Variants in FRMD5 observed in about 807,000 individuals in gnomAD.
FRMD5 encodes FERM domain-containing protein 5.
In FRMD5, 20 loss-of-function variants were observed where a neutral mutation model predicts 69.0. That is an observed-to-expected ratio of 0.29 (90% CI 0.20 to 0.42). The LOEUF (loss-of-function observed/expected upper bound fraction) is 0.42, where lower values mean the gene tolerates loss of function less well. FRMD5 is among the 10% of genes least tolerant of loss of function. FRMD5 has a pLI of 1.00. For missense variants in FRMD5, 595 were observed against 708.6 expected, an observed-to-expected ratio of 0.84 and a Z score of 1.82; for synonymous variants, 271 against 260.1, an observed-to-expected ratio of 1.04 and a Z score of -0.40.
At chr15:43,876,332 A>G (rs2088356065) in intron 13 of FRMD5, 2 of 944,358 alleles carry the variant, frequency 2.1e-6, no homozygotes, top group Non-Finnish European at 3.4e-6. Context: ...CCCCTGATGC[A>G]GAGCTGGGAC....
At chr15:44,073,786 T>C (rs1893640531) in intron 1 of FRMD5, among the ~76,000 whole-genome samples, 1 of 152,216 alleles carries the variant, frequency 6.6e-6, no homozygotes, top group Non-Finnish European at 1.5e-5. Flanking sequence ...AAGTCCTCTA[T>C]GACACCTATT....
chr15:43,958,052 T>C (rs2090141835), intron 1 of FRMD5, among the ~76,000 whole-genome samples: 1 of 152,234 alleles, frequency 6.6e-6, no homozygotes, highest in South Asian at 2.1e-4. Flanking sequence ...TTTGAATATA[T>C]CTAAGAGAAT....
chr15:44,127,378 C>G (rs564893716), intron 1 of FRMD5, among the ~76,000 whole-genome samples: 2 of 152,202 alleles, frequency 1.3e-5, no homozygotes, highest in African/African-American at 4.8e-5. Flanking sequence ...AGGCGTAAGC[C>G]ACCACACCCA....
At chr15:44,085,756 A>G (rs1158073327) in intron 1 of FRMD5, among the ~76,000 whole-genome samples, 2 of 152,206 alleles carry the variant, frequency 1.3e-5, no homozygotes, top group African/African-American at 4.8e-5. Context: ...AGGAAGAGAG[A>G]CAAGTTAAAA....
intron 1 of FRMD5, among the ~76,000 whole-genome samples, chr15:44,002,533 T>C (rs1197530111): frequency 6.6e-6 from 1 of 152,048 alleles, no homozygotes; most frequent in Non-Finnish European, 1.5e-5. Flanking sequence ...GAGTGAGTAA[T>C]TCTTGTCCCT....
intron 1 of FRMD5, among the ~76,000 whole-genome samples, chr15:43,937,626 CAG>C (rs2089783491): frequency 7.3e-6 from 1 of 136,962 alleles, no homozygotes; most frequent in South Asian, 2.3e-4. Context: ...GCCTGGGTGA[CAG>C]AGTGAGACAC....
intron 1 of FRMD5, among the ~76,000 whole-genome samples, chr15:44,072,596 A>G (rs984785912): frequency 1.3e-5 from 2 of 152,218 alleles, no homozygotes; most frequent in African/African-American, 4.8e-5. Context: ...TCCAGTGGAA[A>G]GTTCTGGATG....
chr15:44,096,403 C>G, intron 1 of FRMD5, among the ~76,000 whole-genome samples: 1 of 130,782 alleles, frequency 7.6e-6, no homozygotes, highest in South Asian at 2.6e-4. Context: ...TACGGTGTAT[C>G]TTTTTTTTTT....
At chr15:44,048,523 T>C (rs1485491005) in intron 1 of FRMD5, among the ~76,000 whole-genome samples, 3 of 152,210 alleles carry the variant, frequency 2.0e-5, no homozygotes, top group African/African-American at 7.2e-5. Context: ...TTTTACTTTC[T>C]TGGTGACATT....
In FRMD5 at chr15:43,873,414, G is replaced by A. The variant is rs190508215; in HGVS notation, c.*471C>T. The stretch of plus-strand genomic sequence containing the variant: ...CCTGCCCTGCTGAGGCTGCAGTGAT[G>A]AGTCTACTGGAACCCAGTGGCACCA... On this transcript the variant is annotated 3_prime_UTR_variant, in exon 14 of 14. Coordinates refer to ENST00000417257, the MANE Select transcript of FRMD5 (RefSeq NM_032892.5). 7.0e-7 allele frequency: 1 copy of A among 1,436,066 alleles called. No homozygotes were observed. Among genetic ancestry groups the A allele is most frequent in the East Asian group, 2.5e-5 (1 of 39,698 alleles). 89.0% of individuals were successfully genotyped at this position (1,436,066 alleles called of 1,614,324 possible). A position where few individuals can be genotyped will look rare whatever the true frequency, so the allele number is the denominator to read the frequency against.
At chr15:44,150,195 TATC>T (rs141045207) in intron 1 of FRMD5, among the ~76,000 whole-genome samples, 1 of 152,068 alleles carries the variant, frequency 6.6e-6, no homozygotes, top group African/African-American at 2.4e-5. Context: ...CCACAGCAAA[TATC>T]ATACTCAATA....
chr15:43,885,508 T>G (rs976001087), intron 11 of FRMD5, among the ~76,000 whole-genome samples, 173 bp downstream of exon 11: 9 of 152,114 alleles, frequency 5.9e-5, no homozygotes, highest in Non-Finnish European at 1.0e-4. Context: ...GACAAATTGC[T>G]GTAGGGAAGG....
chr15:44,004,228 A>T (rs1013222507), intron 1 of FRMD5, among the ~76,000 whole-genome samples: 18 of 152,240 alleles, frequency 1.2e-4, no homozygotes, highest in Non-Finnish European at 1.9e-4. Flanking sequence ...ATGAATGTTA[A>T]ATCAAACTTC....
In FRMD5 at chr15:43,921,852, TCCAGGAGAGA is replaced by T. The variant is rs1283486828; in HGVS notation, c.208-2053_208-2044del. ...GGGGAAGGAAAGTAAGGGCAGCTCC[TCCAGGAGAGA>T]CCAGGAGAGCTTGCAGATGCATGGA... On this transcript the variant is annotated intron_variant, in intron 2 of 13. Transcript: ENST00000417257. 4.6e-5 allele frequency among the ~76,000 whole-genome samples: 7 copies of T among 152,254 alleles called. No homozygotes were observed. In the South Asian group the frequency reaches 1.5e-3, roughly 32 times the overall value.
chr15:44,128,435 C>T (rs916231963), intron 1 of FRMD5, among the ~76,000 whole-genome samples: 2 of 152,184 alleles, frequency 1.3e-5, no homozygotes, highest in Non-Finnish European at 2.9e-5. Flanking sequence ...CGAGATCATG[C>T]CATTGCACTC....
At chr15:43,986,927 C>T (rs1889423542) in intron 1 of FRMD5, among the ~76,000 whole-genome samples, 1 of 152,080 alleles carries the variant, frequency 6.6e-6, no homozygotes, top group South Asian at 2.1e-4. Context: ...TGCAATATTT[C>T]AAACTTTTTC....
intron 1 of FRMD5, among the ~76,000 whole-genome samples, chr15:44,174,118 C>T (rs1235821424): frequency 2.0e-5 from 3 of 152,196 alleles, no homozygotes; most frequent in African/African-American, 7.2e-5. Context: ...CCACCAAAGG[C>T]ATTCTAATAA....
intron 1 of FRMD5, among the ~76,000 whole-genome samples, chr15:44,034,405 G>T (rs969011174): frequency 6.6e-6 from 1 of 152,170 alleles, no homozygotes; most frequent in African/African-American, 2.4e-5. Flanking sequence ...ATACCCATGT[G>T]TTGTCTTTAA....
chr15:44,087,834 G>A (rs1289627803), intron 1 of FRMD5, among the ~76,000 whole-genome samples: 3 of 151,796 alleles, frequency 2.0e-5, no homozygotes, highest in Non-Finnish European at 4.4e-5. Flanking sequence ...ATAAAATTTG[G>A]TGTTCCAGCC....
Sources: allele counts gnomAD v4.1 joint callset (sites outside exome capture counted in the v4.1 genomes callset), GRCh38; gene constraint gnomAD v4.1.1; transcripts MANE v1.5; gene names NCBI Gene and HGNC (gene_info 2026-07-23, HGNC 2026-07-21).